Variants in PARD3 observed in about 807,000 individuals in gnomAD.
PARD3 encodes the protein par-3 family cell polarity regulator.
In PARD3, 75 loss-of-function variants were observed where a neutral mutation model predicts 155.4. That is an observed-to-expected ratio of 0.48 (90% CI 0.40 to 0.58). The LOEUF (loss-of-function observed/expected upper bound fraction) is 0.58, where lower values mean the gene tolerates loss of function less well. Among genes scored for constraint, PARD3 ranks in the 20% least tolerant of loss-of-function variants. The probability of loss-of-function intolerance (pLI) is 0.00; values close to 1 mark genes in which losing one functional copy is unlikely to be tolerated. For missense variants in PARD3, 1,642 were observed against 1,721.7 expected, an observed-to-expected ratio of 0.95 and a Z score of 0.82; for synonymous variants, 576 against 610.5, an observed-to-expected ratio of 0.94 and a Z score of 0.83.
intron 5 of PARD3, among the ~76,000 whole-genome samples, chr10:34,429,273 T>C (rs1282030579): frequency 6.6e-6 from 1 of 152,130 alleles, no homozygotes; most frequent in Non-Finnish European, 1.5e-5. Context: ...ATATATATAT[T>C]ATATAGTCAT....
intron 4 of PARD3, among the ~76,000 whole-genome samples, chr10:34,454,768 C>G (rs919397470): frequency 6.6e-6 from 1 of 152,106 alleles, no homozygotes; most frequent in African/African-American, 2.4e-5. Flanking sequence ...CTGCTGTGAT[C>G]AGGGATCTTC....
At chr10:34,378,187 C>T in intron 9 of PARD3, 81 bp from the exon 10 acceptor site, 3 of 987,128 alleles carry the variant, frequency 3.0e-6, no homozygotes, top group South Asian at 3.2e-5. Context: ...TATACTCAAC[C>T]TCAACTTGAC....
intron 4 of PARD3, among the ~76,000 whole-genome samples, chr10:34,463,233 G>A (rs2077781618): frequency 7.2e-6 from 1 of 138,532 alleles, no homozygotes; most frequent in Non-Finnish European, 1.6e-5. Context: ...GGAAGGGGAA[G>A]GGGAAAGGAA....
intron 22 of PARD3, among the ~76,000 whole-genome samples, chr10:34,260,356 G>T (rs1954892486): frequency 6.6e-6 from 1 of 152,202 alleles, no homozygotes; most frequent in South Asian, 2.1e-4. Flanking sequence ...GCTGAAGACA[G>T]GGGCTCAGAG....
At chr10:34,509,985 GA>G (rs2081308357) in intron 3 of PARD3, among the ~76,000 whole-genome samples, 2 of 152,146 alleles carry the variant, frequency 1.3e-5, no homozygotes, top group South Asian at 4.1e-4. Flanking sequence ...AAAAAAGAAG[GA>G]TATCATAAGC....
Position 34,517,129 on chromosome 10 carries a change from G to T in PARD3, c.253C>A (p.His85Asn), listed in dbSNP as rs142077090. Residue 85 changes from histidine (H) to asparagine (N), a missense_variant, in exon 3 of 25, where the codon CAT becomes AAT. Physicochemically the swap from His to Asn is moderately conservative, Grantham distance 68. Around this residue, in one of 3 missense-constraint regions of PARD3, gnomAD observed 38 missense variants for 69.1 expected, o/e 0.55. Coordinates refer to ENST00000374788, the MANE Select transcript of PARD3 (RefSeq NM_001184785.2). ...GCACTGGTGCCATCACCTCCGTGATGTGGATCCTGCTCATCAAACACTGCT... is the reference window on the plus strand; with the variant it reads ...GCACTGGTGCCATCACCTCCGTGATTTGGATCCTGCTCATCAAACACTGCT... ...LVAVFDEQDP[H>N]HGGDGTSASS... 1 of 1,614,150 alleles carries T rather than the reference G, an allele frequency of 6.2e-7. No homozygotes were observed. The highest frequency in any genetic ancestry group is 1.7e-5 in the Admixed American group (1 of 60,018).
At chr10:34,522,061 T>C (rs1415185623) in intron 2 of PARD3, among the ~76,000 whole-genome samples, 1 of 152,184 alleles carries the variant, frequency 6.6e-6, no homozygotes, top group South Asian at 2.1e-4. Context: ...CAGTGAATGT[T>C]ACCTTCTATG....
At chr10:34,303,348 A>G (rs1427565606) in intron 20 of PARD3, among the ~76,000 whole-genome samples, 1 of 152,100 alleles carries the variant, frequency 6.6e-6, no homozygotes, top group African/African-American at 2.4e-5. Flanking sequence ...CAGTTGATCT[A>G]AACTTTACTT....
At chr10:34,286,284 C>T (rs964176482) in intron 20 of PARD3, among the ~76,000 whole-genome samples, 1 of 152,216 alleles carries the variant, frequency 6.6e-6, no homozygotes, top group African/African-American at 2.4e-5. Context: ...TTGGGACACC[C>T]AGGCTATAAA....
chr10:34,583,405 CT>C (rs1374419618), intron 2 of PARD3, among the ~76,000 whole-genome samples: 2 of 152,012 alleles, frequency 1.3e-5, no homozygotes, highest in African/African-American at 2.4e-5. Context: ...GTGCTCCCTG[CT>C]TTTATTAGTA....
At chr10:34,806,424 C>T (rs1843392331) in intron 1 of PARD3, among the ~76,000 whole-genome samples, 1 of 152,056 alleles carries the variant, frequency 6.6e-6, no homozygotes, top group Non-Finnish European at 1.5e-5. Context: ...CTCCTGACCT[C>T]GTGATCCACC....
chr10:34,338,443 C>A (rs925221903), intron 16 of PARD3, among the ~76,000 whole-genome samples: 1 of 152,216 alleles, frequency 6.6e-6, no homozygotes, highest in African/African-American at 2.4e-5. Context: ...TCTACTATAT[C>A]AGGTCCGGCC....
chr10:34,252,841 G>A (rs1350473135), intron 22 of PARD3, among the ~76,000 whole-genome samples: 1 of 151,934 alleles, frequency 6.6e-6, no homozygotes, highest in Non-Finnish European at 1.5e-5. Context: ...GTGCTCTCAT[G>A]CCCTTGCTGT....
intron 1 of PARD3, among the ~76,000 whole-genome samples, chr10:34,781,030 G>A (rs1015541012): frequency 6.6e-6 from 1 of 152,196 alleles, no homozygotes; most frequent in Non-Finnish European, 1.5e-5. Context: ...TGAACTTGGA[G>A]CAGGACATCA....
chr10:34,675,797 A>G (rs2489664), intron 2 of PARD3: 107,744 of 182,934 alleles, frequency 0.59, 33,188 homozygotes, highest in Non-Finnish European at 0.67. Flanking sequence ...TCTTGTTTTC[A>G]TCAACCTTAA....
intron 22 of PARD3, among the ~76,000 whole-genome samples, chr10:34,159,461 C>T (rs1949169192): frequency 6.6e-6 from 1 of 152,148 alleles, no homozygotes; most frequent in Non-Finnish European, 1.5e-5. Context: ...AGAAAGAAGG[C>T]CAAGTTTATT....
intron 3 of PARD3, among the ~76,000 whole-genome samples, chr10:34,504,668 T>TCAG (rs1354809495): frequency 6.6e-6 from 1 of 152,160 alleles, no homozygotes; most frequent in Admixed American, 6.5e-5. Flanking sequence ...GGCACACTTA[T>TCAG]CAGCACCTTG....
chr10:34,336,585 A>G (rs946915284), intron 17 of PARD3, among the ~76,000 whole-genome samples: 4 of 152,158 alleles, frequency 2.6e-5, no homozygotes, highest in African/African-American at 9.6e-5. Context: ...CATAAGTTAC[A>G]GTTGATTAAC....
intron 22 of PARD3, among the ~76,000 whole-genome samples, chr10:34,154,420 C>G (rs1199945108): frequency 6.6e-6 from 1 of 152,178 alleles, no homozygotes; most frequent in Non-Finnish European, 1.5e-5. Flanking sequence ...CTGCAGCTTT[C>G]CTGGCAACAG....
Sources: gnomAD v4.1 joint callset for allele counts (sites outside exome capture counted in the v4.1 genomes callset) on GRCh38, gnomAD v4.1.1 for gene constraint, gnomAD v4.1.1 regional missense constraint, MANE v1.5 for transcripts, NCBI Gene and HGNC (gene_info 2026-07-23, HGNC 2026-07-21) for gene names.